SOD1: variants seen among roughly 807,000 people sequenced by gnomAD.
SOD1 encodes superoxide dismutase [Cu-Zn].
SOD1 carries 8 observed loss-of-function variants against 15.9 expected under a neutral mutation model. That is an observed-to-expected ratio of 0.50 (90% confidence interval 0.30 to 0.91). SOD1 has a LOEUF of 0.91. SOD1 is among the 40% of genes least tolerant of loss of function. The pLI, the probability that SOD1 is intolerant of heterozygous loss-of-function variation, is 0.07. For missense variants in SOD1, 137 were observed against 194.5 expected (o/e 0.70, Z 1.76); for synonymous variants, 86 against 71.2 (o/e 1.21, Z -1.04).
At chr21:31,667,210 T>A (rs372609861) in intron 3 of SOD1, 48 bp from the exon 4 acceptor site, 781 of 1,409,296 alleles carry the variant, frequency 5.5e-4, no homozygotes, top group Non-Finnish European at 6.6e-4. Flanking sequence ...ACTACCTTGA[T>A]GTTTAGTGGC....
intron 1 of SOD1, among the ~76,000 whole-genome samples, chr21:31,663,259 G>GA (rs1259769602): frequency 6.6e-6 from 1 of 150,380 alleles, no homozygotes; most frequent in Non-Finnish European, 1.5e-5. Flanking sequence ...AGAATGGCGT[G>GA]AACCCGGGAG....
chr21:31,662,880 T>G (rs1463392465), intron 1 of SOD1, among the ~76,000 whole-genome samples: 6 of 151,752 alleles, frequency 4.0e-5, no homozygotes. Flanking sequence ...CCGGGTGTGG[T>G]GGTGGGCGCC....
intron 3 of SOD1, 63 bp from the exon 4 acceptor site, chr21:31,667,195 C>T (rs1257836457): frequency 7.7e-7 from 1 of 1,298,360 alleles, no homozygotes; most frequent in African/African-American, 1.5e-5. Flanking sequence ...TAATTTAGCT[C>T]ATGAACTACC....
chr21:31,663,712 C>A, intron 1 of SOD1, 78 bp from the exon 2 acceptor site: 2 of 1,163,576 alleles, frequency 1.7e-6, no homozygotes, highest in African/African-American at 1.5e-5. Context: ...CTGCTTTTTA[C>A]TTCACTGTGA....
Position 31,663,043 on chromosome 21 carries a change from A to T in SOD1, c.73-747A>T, listed in dbSNP as rs538919858. ...AAAAAAAGAAAAAAACTTATGATGG[A>T]CACTTAAAAACACTCACTGAGTGGG... On this transcript the variant is annotated intron_variant, in intron 1 of 4. Transcript: ENST00000270142. Among the ~76,000 whole-genome samples the T allele has an allele frequency of 2.8e-5, 4 of 144,562 alleles. No homozygotes were observed. The Admixed American group carries it at 2.8e-4, about 10-fold the overall frequency. The allele number at this position is 144,562 out of a possible 152,430, so 94.8% of individuals were successfully genotyped here.
intron 4 of SOD1, among the ~76,000 whole-genome samples, chr21:31,668,257 T>TA (rs1453409431): frequency 6.6e-6 from 1 of 152,196 alleles, no homozygotes; most frequent in Middle Eastern, 3.2e-3. Flanking sequence ...CAGCAACACT[T>TA]ACCTAATGTT....
At chr21:31,668,331 C>T in intron 4 of SOD1, 140 bp from the exon 5 acceptor site, 2 of 661,100 alleles carry the variant, frequency 3.0e-6, no homozygotes, top group South Asian at 1.7e-5. Flanking sequence ...TTTTAAACTA[C>T]TAAATATTAG....
At chr21:31,661,311 A>G (rs1178348976) in intron 1 of SOD1, among the ~76,000 whole-genome samples, 4 of 152,128 alleles carry the variant, frequency 2.6e-5, no homozygotes, top group African/African-American at 9.7e-5. Context: ...TTGCTGTTTC[A>G]TTTGTCAGAC....
Position 31,659,752 on chromosome 21 carries a change from G to T in SOD1, c.-18G>T. On this transcript the variant is annotated 5_prime_UTR_variant, in exon 1 of 5. Transcript: ENST00000270142. The stretch of plus-strand genomic sequence containing the variant: ...TTGCAGTCCTCGGAACCAGGACCTC[G>T]GCGTGGCCTAGCGAGTTATGGCGAC... 1 of 1,613,790 alleles carries T rather than the reference G, an allele frequency of 6.2e-7. No homozygotes were observed. The highest frequency in any genetic ancestry group is 8.5e-7 in the Non-Finnish European group (1 of 1,179,806).
intron 1 of SOD1, 155 bp downstream of exon 1, chr21:31,659,996 C>G (rs1190745599): frequency 1.4e-5 from 9 of 646,232 alleles, no homozygotes; most frequent in Non-Finnish European, 2.2e-5. Context: ...GCCTTCGCCC[C>G]CAGCGGTGCG....
In SOD1 at chr21:31,663,657, G is replaced by T. The variant is rs2049568098; in HGVS notation, c.73-133G>T. 1.6e-5 allele frequency: 11 copies of T among 691,502 alleles called. No individual in the cohort carries two copies. The Admixed American group carries it at 2.3e-4, about 14-fold the overall frequency. The allele number at this position is 691,502 out of a possible 1,614,324, so 42.8% of individuals were successfully genotyped here. A position where few individuals can be genotyped will look rare whatever the true frequency, so the allele number is the denominator to read the frequency against. ...CTGGAGGTTCACTGGCTAGAAAGTG[G>T]TCAGCCTGGGATTTGGACACAGATT... On this transcript the variant is annotated intron_variant, in intron 1 of 4. Coordinates refer to ENST00000270142, the MANE Select transcript of SOD1 (RefSeq NM_000454.5).
At chr21:31,662,874 G>A (rs952023762) in intron 1 of SOD1, among the ~76,000 whole-genome samples, 2 of 152,154 alleles carry the variant, frequency 1.3e-5, no homozygotes, top group South Asian at 4.1e-4. Context: ...AATTAGCCGG[G>A]TGTGGTGGTG....
intron 2 of SOD1, chr21:31,664,501 GAGA>G (rs17884057): frequency 0.13 from 19,978 of 155,870 alleles, 1,532 homozygotes; most frequent in Middle Eastern, 0.2. Context: ...ACCAAAAAAA[GAGA>G]AGAAGATCAA....
chr21:31,660,064 C>T (rs1337590615), intron 1 of SOD1: 1 of 246,248 alleles, frequency 4.1e-6, no homozygotes, highest in Admixed American at 5.6e-5. Flanking sequence ...ACCGAGGCCG[C>T]CGCGGGGCTG....
intron 2 of SOD1, among the ~76,000 whole-genome samples, chr21:31,664,704 C>T (rs1269617934): frequency 2.0e-5 from 3 of 151,924 alleles, no homozygotes; most frequent in African/African-American, 7.3e-5. Flanking sequence ...CTGCAAGCTC[C>T]GCCTCCCGGG....
At chr21:31,667,143 C>A in intron 3 of SOD1, 115 bp from the exon 4 acceptor site, 1 of 749,236 alleles carries the variant, frequency 1.3e-6, no homozygotes, top group Non-Finnish European at 2.4e-6. Flanking sequence ...TTTAGAATGC[C>A]TAGCTACTTG....
intron 2 of SOD1, among the ~76,000 whole-genome samples, chr21:31,664,731 GC>G (rs2049579017): frequency 6.6e-6 from 1 of 152,004 alleles, no homozygotes; most frequent in East Asian, 1.9e-4. Context: ...CCATTCTCCT[GC>G]CTCAGCCCCC....
rs377178013 is a variant in SOD1 at position 31,659,808 on chromosome 21, C to A, written c.39C>A (p.Gly13=). 1.2e-6 allele frequency: 2 copies of A among 1,613,840 alleles called. No individual in the cohort carries two copies. The highest frequency in any genetic ancestry group is 2.2e-5 in the South Asian group (2 of 91,090). Residue 13 remains glycine, a synonymous_variant, in exon 1 of 5, where the codon GGC becomes GGA. Coordinates refer to ENST00000270142, the MANE Select transcript of SOD1 (RefSeq NM_000454.5). ...TKAVCVLKGD[G]PVQGIINFEQ... is the part of the protein sequence containing the mutation. Reference sequence around the variant, plus strand: ...CCGTGTGCGTGCTGAAGGGCGACGGCCCAGTGCAGGGCATCATCAATTTCG... The same window carrying A: ...CCGTGTGCGTGCTGAAGGGCGACGGACCAGTGCAGGGCATCATCAATTTCG...
chr21:31,666,360 C>T, intron 2 of SOD1, 89 bp from the exon 3 acceptor site: 1 of 966,840 alleles, frequency 1.0e-6, no homozygotes. Flanking sequence ...GCACTTTCTC[C>T]ATGGGAAGTT....
Sources: gnomAD v4.1 joint callset for allele counts (sites outside exome capture counted in the v4.1 genomes callset) on GRCh38, gnomAD v4.1.1 for gene constraint, MANE v1.5 for transcripts, NCBI Gene and HGNC (gene_info 2026-07-23, HGNC 2026-07-21) for gene names.